The following SRBD1 variants were observed in gnomAD, a reference collection of about 807,000 sequenced individuals.
The protein encoded by SRBD1 is S1 RNA binding domain 1, also known as S1 RNA-binding domain-containing protein 1.
In SRBD1, 88 loss-of-function variants were observed where a neutral mutation model predicts 115.3. The ratio of observed to expected loss-of-function variants is 0.76; its 90% CI spans 0.64 to 0.91. SRBD1 has a LOEUF of 0.91. Ranked by LOEUF, SRBD1 falls within the 40% of genes least tolerant of loss-of-function variation. SRBD1 has a pLI of 0.00. For synonymous variants in SRBD1, 509 were observed against 407.7 expected, an observed-to-expected ratio of 1.25 and a Z score of -2.99; for missense variants, 1,385 against 1,177.4, an observed-to-expected ratio of 1.18 and a Z score of -2.58.
At chr2:45,574,393 T>G (rs1384458959) in intron 8 of SRBD1, among the ~76,000 whole-genome samples, 1 of 152,168 alleles carries the variant, frequency 6.6e-6, no homozygotes, top group Non-Finnish European at 1.5e-5. Flanking sequence ...GATGCCTCAG[T>G]GTAAGGAGGG....
At chr2:45,397,475 A>C (rs1421627385) in intron 19 of SRBD1, among the ~76,000 whole-genome samples, 4 of 152,240 alleles carry the variant, frequency 2.6e-5, no homozygotes, top group Non-Finnish European at 5.9e-5. Context: ...GAATTTACAC[A>C]GCTGAGAATA....
At position 45,458,503 on chromosome 2, in the gene SRBD1, C is replaced by G. The variant is rs1359172542; in HGVS notation, c.2049+18490G>C. On this transcript the variant is annotated intron_variant, in intron 16 of 20. Transcript: ENST00000263736. ...ACTAAAGCTACCCAGAAGACTGAAA[C>G]ATCATCTTGGACCCTCTGACAACTT... Among the ~76,000 whole-genome samples, 3 of 152,260 alleles carry G rather than the reference C, an allele frequency of 2.0e-5. No individual in the cohort carries two copies. In the East Asian group the frequency reaches 5.8e-4, roughly 29 times the overall value.
chr2:45,528,728 G>T (rs959808591), intron 14 of SRBD1, among the ~76,000 whole-genome samples: 1 of 151,818 alleles, frequency 6.6e-6, no homozygotes, highest in Non-Finnish European at 1.5e-5. Context: ...AGAAGACAAA[G>T]CGGGTGAGGA....
chr2:45,531,947 A>C (rs574880569), intron 14 of SRBD1, among the ~76,000 whole-genome samples: 1 of 151,954 alleles, frequency 6.6e-6, no homozygotes, highest in Admixed American at 6.6e-5. Context: ...TTCTTTCACT[A>C]AAGTTTGATG....
chr2:45,598,657 G>A (rs1673983725), intron 4 of SRBD1, among the ~76,000 whole-genome samples: 1 of 151,930 alleles, frequency 6.6e-6, no homozygotes, highest in Non-Finnish European at 1.5e-5. Flanking sequence ...AGGCAGCATG[G>A]GTACAAAGAC....
At chr2:45,454,132 G>A (rs1669081900) in intron 16 of SRBD1, among the ~76,000 whole-genome samples, 1 of 151,894 alleles carries the variant, frequency 6.6e-6, no homozygotes, top group Admixed American at 6.6e-5. Flanking sequence ...CCTAACAGAA[G>A]CATAAAAGCA....
chr2:45,572,784 A>C (rs1407339374), intron 9 of SRBD1, among the ~76,000 whole-genome samples: 1 of 152,182 alleles, frequency 6.6e-6, no homozygotes, highest in East Asian at 1.9e-4. Context: ...AAACTGAAAA[A>C]TGAAATTAAA....
At chr2:45,558,999 C>T (rs912111391) in intron 10 of SRBD1, among the ~76,000 whole-genome samples, 10 of 152,196 alleles carry the variant, frequency 6.6e-5, no homozygotes, top group South Asian at 2.1e-4. Flanking sequence ...CACGCCCAGC[C>T]GCCACACAAA....
chr2:45,541,354 G>A (rs1180906056), intron 14 of SRBD1, among the ~76,000 whole-genome samples: 1 of 152,234 alleles, frequency 6.6e-6, no homozygotes, highest in Admixed American at 6.5e-5. Context: ...TCCCCAAAGG[G>A]CTGCAGCTCT....
At chr2:45,609,461 C>T (rs1674376858) in intron 1 of SRBD1, among the ~76,000 whole-genome samples, 2 of 152,200 alleles carry the variant, frequency 1.3e-5, no homozygotes, top group South Asian at 4.1e-4. Context: ...ACTCATTCTC[C>T]ACTTATCAAC....
rs149653602 is a variant in SRBD1 at position 45,523,887 on chromosome 2, AAT to A, written c.1874+22843_1874+22844del. Among the ~76,000 whole-genome samples the A allele has an allele frequency of 6.2e-3, 939 of 152,180 alleles. 15 individuals carry two copies. Among genetic ancestry groups the A allele is most frequent in the African/African-American group, 0.021 (892 of 41,564 alleles). On this transcript the variant is annotated intron_variant, in intron 14 of 20. Transcript: ENST00000263736. ...AGACACCACAGGAAAAATACCAAAT[AAT>A]ATCTCTTATGAATATGAATGCAAAA...
At chr2:45,427,813 C>T (rs974028257) in intron 16 of SRBD1, among the ~76,000 whole-genome samples, 4 of 152,038 alleles carry the variant, frequency 2.6e-5, no homozygotes, top group Non-Finnish European at 5.9e-5. Flanking sequence ...GTTCAACATA[C>T]ACAATACCCA....
chr2:45,554,056 T>G lies in SRBD1; in HGVS notation c.1410-326A>C, dbSNP rs141945282. On this transcript the variant is annotated intron_variant, in intron 10 of 20. Transcript: ENST00000263736. ...AGTCACCAAAAAATTATTACACCAC[T>G]GCTACAGACTGAATTGTGTCCCTCC... 1.5e-3 allele frequency among the ~76,000 whole-genome samples: 226 copies of G among 152,306 alleles called. 5 individuals are homozygous for G. In the East Asian group the frequency reaches 0.018, roughly 12 times the overall value.
intron 16 of SRBD1, among the ~76,000 whole-genome samples, chr2:45,428,953 G>A (rs1668245977): frequency 6.6e-6 from 1 of 152,130 alleles, no homozygotes; most frequent in African/African-American, 2.4e-5. Flanking sequence ...AATAAAAAAT[G>A]ATAAAGGGGA....
In SRBD1 at chr2:45,559,047, C is replaced by T. The variant is rs150579689; in HGVS notation, c.1409+3606G>A. Among the ~76,000 whole-genome samples, 1,423 of 152,162 alleles carry T rather than the reference C, an allele frequency of 9.4e-3. 22 individuals carry two copies. The highest frequency in any genetic ancestry group is 0.032 in the African/African-American group (1,342 of 41,526). ...CTTCACCTCTCCCTAACCAATCCACCCACCATTTAATCAGATACCTTGTCC... is the reference window on the plus strand; with the variant it reads ...CTTCACCTCTCCCTAACCAATCCACTCACCATTTAATCAGATACCTTGTCC... On this transcript the variant is annotated intron_variant, in intron 10 of 20. Transcript: ENST00000263736.
chr2:45,601,850 T>A (rs1416962177), intron 3 of SRBD1, 53 bp downstream of exon 3: 3 of 1,585,764 alleles, frequency 1.9e-6, no homozygotes, highest in East Asian at 2.2e-5. Flanking sequence ...GAAAATAACA[T>A]CACCAATCAG....
chr2:45,542,693 C>T (rs1671984755), intron 14 of SRBD1, among the ~76,000 whole-genome samples: 1 of 152,222 alleles, frequency 6.6e-6, no homozygotes, highest in Admixed American at 6.5e-5. Context: ...AGACTTTCCA[C>T]ACCTAGCTAT....
chr2:45,438,819 T>C (rs148947056), intron 16 of SRBD1, among the ~76,000 whole-genome samples: 1 of 152,108 alleles, frequency 6.6e-6, no homozygotes, highest in Non-Finnish European at 1.5e-5. Flanking sequence ...ATATTTGAAG[T>C]AGTAACAAAA....
chr2:45,599,412 C>A (rs1168356683), intron 4 of SRBD1, 37 bp downstream of exon 4: 2 of 1,583,330 alleles, frequency 1.3e-6, no homozygotes, highest in Admixed American at 1.7e-5. Flanking sequence ...AGAAAGCACT[C>A]AAAACAACTA....
Sources: gnomAD v4.1 joint callset for allele counts (sites outside exome capture counted in the v4.1 genomes callset) on GRCh38, gnomAD v4.1.1 for gene constraint, MANE v1.5 for transcripts, NCBI Gene and HGNC (gene_info 2026-07-23, HGNC 2026-07-21) for gene names.